Variants in PIDD1 observed in about 807,000 individuals in gnomAD.
PIDD1 encodes p53-induced death domain-containing protein 1.
In PIDD1, 72 loss-of-function variants were observed where a neutral mutation model predicts 80.0. The ratio of observed to expected loss-of-function variants is 0.90; its 90% CI spans 0.74 to 1.09. The LOEUF is 1.09. Among genes scored for constraint, PIDD1 ranks in the 50% least tolerant of loss-of-function variants. The pLI is 0.00. For missense variants in PIDD1, 1,329 were observed against 1,228.3 expected (o/e 1.08, Z -1.23); for synonymous variants, 655 against 543.5 (o/e 1.21, Z -2.85).
At chr11:800,281 T>C (rs764262624) in intron 13 of PIDD1, 37 bp from the exon 14 acceptor site, 12 of 1,612,242 alleles carry the variant, frequency 7.4e-6, no homozygotes, top group Non-Finnish European at 1.0e-5. Context: ...AGTTCGGTCC[T>C]CTGCCCAAGC....
At chr11:801,916 C>A in intron 7 of PIDD1, 49 bp downstream of exon 7, 1 of 1,587,982 alleles carries the variant, frequency 6.3e-7, no homozygotes, top group African/African-American at 1.3e-5. Flanking sequence ...GTGCACGGCT[C>A]AGGGCAGCAG....
At position 804,355 on chromosome 11, in the gene PIDD1, C is replaced by T. The variant is rs940367351; in HGVS notation, c.34G>A (p.Ala12Thr). 8.1e-6 allele frequency: 13 copies of T among 1,607,734 alleles called. No individual in the cohort carries two copies. Among genetic ancestry groups the T allele is most frequent in the Non-Finnish European group, 1.1e-5 (13 of 1,176,880 alleles). Residue 12 changes from alanine to threonine, a missense_variant, in exon 2 of 16, where the codon GCA (alanine) becomes ACA (threonine). By Grantham distance (58) the Ala-to-Thr change is moderately conservative. Coordinates refer to ENST00000347755, the MANE Select transcript of PIDD1 (RefSeq NM_145886.4). Reference protein sequence around the residue: ...AATVEGPELEAAAAAGDASED... With the variant: ...AATVEGPELETAAAAGDASED... The stretch of plus-strand genomic sequence containing the variant: ...GAAGCATCTCCTGCGGCAGCAGCTG[C>T]CTCCAGCTCTGGCCCCTCCACCGTT...
In PIDD1 at chr11:802,919, G is replaced by A. The variant is rs775190502; in HGVS notation, c.710-28C>T. ...GCGGGCAGTTGCTGGCTTAGGCTTGGCACCAGCCCAGCCCACGGCGCTGGG... is the reference window on the plus strand; with the variant it reads ...GCGGGCAGTTGCTGGCTTAGGCTTGACACCAGCCCAGCCCACGGCGCTGGG... On this transcript the variant is annotated intron_variant, in intron 3 of 15. Coordinates refer to ENST00000347755, the MANE Select transcript of PIDD1 (RefSeq NM_145886.4). 2.6e-6 allele frequency: 4 copies of A among 1,539,170 alleles called. No homozygotes were observed. In the African/African-American group the frequency reaches 5.5e-5, roughly 21 times the overall value.
In PIDD1 at chr11:801,231, G is replaced by A. The variant is rs966743765; in HGVS notation, c.1617C>T (p.Pro539=). 2 of 1,558,558 alleles carry A rather than the reference G, an allele frequency of 1.3e-6. No individual in the cohort carries two copies. Among genetic ancestry groups the A allele is most frequent in the Non-Finnish European group, 1.7e-6 (2 of 1,149,350 alleles). ...LQPVTVQLPL[P]SGITGLSLDR... ...GCTGCCTCTCACCTGTGATGCCAGA[G>A]GGCAGAGGCAGCTGCACGGTGACCG... The change falls in exon 9 of 16, where the codon CCC becomes CCT. Residue 539 remains proline (P), a synonymous_variant. Coordinates refer to ENST00000347755, the MANE Select transcript of PIDD1 (RefSeq NM_145886.4).
In PIDD1 at chr11:802,075, G is replaced by T; in HGVS notation, c.1192C>A (p.Leu398Met). The change falls in exon 7 of 16, where the codon CTG becomes ATG. Residue 398 changes from leucine (L) to methionine (M), a missense_variant. Transcript: ENST00000347755. ...CGGGCCTGCGGTGGGGTGAAGAGCA[G>T]CCACAGCCCCACATCCTGCCAGACA... ...VAFQQDVGLW[L>M]LFTPPQARRC... 6.3e-7 allele frequency: 1 copy of T among 1,579,776 alleles called. No homozygotes were observed. The highest frequency in any genetic ancestry group is 1.8e-5 in the Admixed American group (1 of 54,340).
Position 801,526 on chromosome 11 carries a change from C to T in PIDD1, c.1401G>A (p.Leu467=). Reference sequence around the variant, plus strand: ...CCCCAGGATGACCCGAGGAGCACAGCAGTGTCCCCTCCGGTGGCACCAGGC... The same window carrying T: ...CCCCAGGATGACCCGAGGAGCACAGTAGTGTCCCCTCCGGTGGCACCAGGC... The part of the protein sequence containing the change: ...NACLVPPEGT[L]LCSSGHPGVK... Residue 467 remains leucine, a synonymous_variant, in exon 8 of 16, where the codon CTG becomes CTA. Transcript: ENST00000347755. The T allele has an allele frequency of 1.3e-6, 2 of 1,565,416 alleles. No individual in the cohort carries two copies. The highest frequency in any genetic ancestry group is 1.7e-6 in the Non-Finnish European group (2 of 1,155,140).
rs1590151029 is a variant in PIDD1, at chr11:803,472, C to T, written c.411G>A (p.Leu137=). The part of the protein sequence containing the change: ...LAHLDLSFNS[L]ETLPACVLQM... Reference sequence around the variant, plus strand: ...GCAGGACACAGGCCGGCAGTGTCTCCAGGCTGTTGAAGCTCAGGTCCAGGT... The same window carrying T: ...GCAGGACACAGGCCGGCAGTGTCTCTAGGCTGTTGAAGCTCAGGTCCAGGT... The change falls in exon 3 of 16, where the codon CTG becomes CTA. Residue 137 remains leucine, a synonymous_variant. Coordinates refer to ENST00000347755, the MANE Select transcript of PIDD1 (RefSeq NM_145886.4). 4 of 1,613,806 alleles carry T rather than the reference C, an allele frequency of 2.5e-6. No individual in the cohort carries two copies. Among genetic ancestry groups the T allele is most frequent in the Non-Finnish European group, 3.4e-6 (4 of 1,180,012 alleles).
chr11:799,756 C>A, intron 15 of PIDD1, 59 bp downstream of exon 15: 1 of 1,426,034 alleles, frequency 7.0e-7, no homozygotes, highest in Non-Finnish European at 9.3e-7. Flanking sequence ...CAGGTGGGCC[C>A]TCCAGGCAGC....
At chr11:803,020 G>A (rs1222791282) in intron 3 of PIDD1, 129 bp from the exon 4 acceptor site, 3 of 964,364 alleles carry the variant, frequency 3.1e-6, no homozygotes, top group Non-Finnish European at 4.6e-6. Context: ...CTCTGACAAA[G>A]CCACTGAGGG....
upstream of PIDD1, among the ~76,000 whole-genome samples, chr11:808,939 G>A (rs1314642949): frequency 1.3e-5 from 2 of 152,220 alleles, no homozygotes; most frequent in South Asian, 4.1e-4. Context: ...TGCTAACACG[G>A]TAGATACCTG....
In PIDD1 at chr11:805,221, G is replaced by T. The variant is rs537670259; in HGVS notation, c.-118C>A. On this transcript the variant is annotated 5_prime_UTR_variant, in exon 1 of 16. Transcript: ENST00000347755. The stretch of plus-strand genomic sequence containing the variant: ...CGCAAAGGGTGGCTGCTCAGCGGGC[G>T]CTCGGCGCCTGGGATCCCGCCGGCG... 971 of 983,380 alleles carry T rather than the reference G, an allele frequency of 9.9e-4. 7 individuals carry two copies. The African/African-American group carries it at 0.014, about 14-fold the overall frequency. The allele number at this position is 983,380 out of a possible 1,614,324, so 60.9% of individuals were successfully genotyped here.
At position 800,389 on chromosome 11, in the gene PIDD1, TCA is replaced by T; in HGVS notation, c.2102_2103del (p.Val701GlufsTer36). On this transcript the variant is annotated frameshift_variant, in exon 13 of 16. Transcript: ENST00000347755. LOFTEE classifies it high-confidence loss of function. ...CFVFYSHLKNVKEVYVTTTLD... is the reference protein window; with the variant it reads ...CFVFYSHLKNXKEVYVTTTLD... ...AGAGTGGTGGTCACGTATACCTCCTTCACATTCTTCAGGTGCGAGTAGAAGAC... is the reference window on the plus strand; with the variant it reads ...AGAGTGGTGGTCACGTATACCTCCTTCATTCTTCAGGTGCGAGTAGAAGAC... The T allele has an allele frequency of 6.3e-7, 1 of 1,593,530 alleles. No homozygotes were observed. The highest frequency in any genetic ancestry group is 8.6e-7 in the Non-Finnish European group (1 of 1,167,848).
rs753639782 is a variant in PIDD1 at position 799,520 on chromosome 11, A to C, written c.2520T>G (p.Ala840=). 6.2e-7 allele frequency: 1 copy of C among 1,605,488 alleles called. No individual in the cohort carries two copies. The highest frequency in any genetic ancestry group is 1.1e-5 in the South Asian group (1 of 91,038). ...EQIRHMLFSW[A]ERQAGQPGAV... ...CCCCTGGCTGCCCAGCCTGGCGCTC[A>C]GCCCAGGAGAAGAGCATGTGACGGA... Residue 840 remains alanine (A), a synonymous_variant, in exon 16 of 16, where the codon GCT becomes GCG. Transcript: ENST00000347755.
chr11:801,857 G>A (rs972506967), intron 7 of PIDD1, 108 bp downstream of exon 7: 1 of 1,425,060 alleles, frequency 7.0e-7, no homozygotes, highest in South Asian at 1.2e-5. Context: ...GCAGGATCCA[G>A]GAGGGACGGG....
rs767504173 is a variant in PIDD1, at chr11:800,524, C to CCT, written c.2041+18_2041+19insAG. On this transcript the variant is annotated intron_variant, in intron 12 of 15. Transcript: ENST00000347755. Reference sequence around the variant, plus strand: ...AAGGCTCCCCCTCCAGGGCAGGGAGCATCCACCAGCATCCCTACCAGCATC... The same window carrying CCT: ...AAGGCTCCCCCTCCAGGGCAGGGAGCCTATCCACCAGCATCCCTACCAGCATC... 6.4e-5 allele frequency: 93 copies of CCT among 1,448,064 alleles called. No individual in the cohort carries two copies. Among genetic ancestry groups the CCT allele is most frequent in the African/African-American group, 3.8e-4 (26 of 67,676 alleles). The allele number at this position is 1,448,064 out of a possible 1,614,324, so 89.7% of individuals were successfully genotyped here.
At chr11:802,125 T>C (rs28498421) in intron 6 of PIDD1, 35 bp from the exon 7 acceptor site, 1,507,024 of 1,563,468 alleles carry the variant, frequency 0.96, 726,617 homozygotes, top group East Asian at 1. Context: ...ACTGGAGCCA[T>C]GCCCGGGCCC....
Position 800,184 on chromosome 11 carries a change from GC to G in PIDD1, c.2220del (p.Gln741ArgfsTer37), listed in dbSNP as rs1247115316. 3 of 1,610,934 alleles carry G rather than the reference GC, an allele frequency of 1.9e-6. No homozygotes were observed. In the African/African-American group the frequency reaches 4.0e-5, roughly 22 times the overall value. On this transcript the variant is annotated frameshift_variant, in exon 14 of 16. Transcript: ENST00000347755. LOFTEE classifies it high-confidence loss of function. Reference sequence around the variant, plus strand: ...CACAGGGCGTCTGCGCCCTTCCTCTGCCGGGCAGCCTCAGCCTCCTCGGGCA... The same window carrying G: ...CACAGGGCGTCTGCGCCCTTCCTCTGCGGGCAGCCTCAGCCTCCTCGGGCA... ...VRVPEEAEAA[R>X]QRKGADALWM...
upstream of PIDD1, chr11:805,696 C>T (rs905628728): frequency 3.3e-5 from 33 of 985,200 alleles, no homozygotes; most frequent in Non-Finnish European, 3.7e-5. Context: ...GCCAGGACCT[C>T]CTCTCTGGGC....
Position 803,658 on chromosome 11 carries a change from G to A in PIDD1, c.296-71C>T, listed in dbSNP as rs753050116. 11 of 1,526,470 alleles carry A rather than the reference G, an allele frequency of 7.2e-6. No individual in the cohort carries two copies. In the East Asian group the frequency reaches 2.0e-4, roughly 27 times the overall value. The allele number at this position is 1,526,470 out of a possible 1,614,324, so 94.6% of individuals were successfully genotyped here. On this transcript the variant is annotated intron_variant, in intron 2 of 15. Coordinates refer to ENST00000347755, the MANE Select transcript of PIDD1 (RefSeq NM_145886.4). Reference sequence around the variant, plus strand: ...GGTCCCAGATCGACCCTGCCAGCCAGAGAAACAGCTGCTCGAGAGGCACAG... The same window carrying A: ...GGTCCCAGATCGACCCTGCCAGCCAAAGAAACAGCTGCTCGAGAGGCACAG...
Sources: allele counts gnomAD v4.1 joint callset (sites outside exome capture counted in the v4.1 genomes callset), GRCh38; gene constraint gnomAD v4.1.1; transcripts MANE v1.5; gene names NCBI Gene and HGNC (gene_info 2026-07-23, HGNC 2026-07-21).